MYO1H: variants seen among roughly 807,000 people sequenced by gnomAD.
The protein encoded by MYO1H is myosin IH.
In MYO1H, 118 loss-of-function variants were observed where a neutral mutation model predicts 149.3. The observed-to-expected ratio is 0.79, with a 90% CI of 0.68 to 0.92. The LOEUF (loss-of-function observed/expected upper bound fraction) is 0.92. Ranked by LOEUF, MYO1H falls within the 40% of genes least tolerant of loss-of-function variation. The pLI is 0.00. For missense variants in MYO1H, 1,212 were observed against 1,280.7 expected (o/e 0.95, Z 0.82); for synonymous variants, 447 against 465.2 (o/e 0.96, Z 0.50).
At chr12:109,399,397 G>T (rs1235375431) in intron 5 of MYO1H, among the ~76,000 whole-genome samples, 1 of 151,792 alleles carries the variant, frequency 6.6e-6, no homozygotes, top group African/African-American at 2.4e-5. Context: ...TTCGAGACCA[G>T]CCTGGCCAAC....
chr12:109,342,126 C>CTT, the MYO1H span, among the ~76,000 whole-genome samples: 40,780 of 125,724 alleles, frequency 0.32, 7,729 homozygotes, highest in Middle Eastern at 0.44. Context: ...AAATTTGATT[C>CTT]TTTTTTTTTT....
At chr12:109,320,455 C>CAAAA in the MYO1H span, among the ~76,000 whole-genome samples, 74 of 63,314 alleles carry the variant, frequency 1.2e-3, 1 homozygote, top group Admixed American at 1.6e-3. Context: ...ATTAAAAATA[C>CAAAA]AAAAAAAAAA....
chr12:109,314,497 T>C, the MYO1H span, among the ~76,000 whole-genome samples: 1 of 152,212 alleles, frequency 6.6e-6, no homozygotes, highest in Non-Finnish European at 1.5e-5. Context: ...GCTAGCAGGC[T>C]CTTTCAATAG....
rs557392190 is a variant in MYO1H, at chr12:109,443,208, G to A, written c.2689-306G>A. On this transcript the variant is annotated intron_variant, in intron 27 of 31. Coordinates refer to ENST00000310903, the Ensembl canonical transcript of MYO1H. ...TATGTGTACGTATATGTGTGTATAT[G>A]TGTACGTATATGTGTGTGTATATGT... Among the ~76,000 whole-genome samples, 3 of 133,008 alleles carry A rather than the reference G, an allele frequency of 2.3e-5. 1 individual carries two copies. Among genetic ancestry groups the A allele is most frequent in the East Asian group, 4.3e-4 (2 of 4,632 alleles). 87.3% of individuals were successfully genotyped at this position (133,008 alleles called of 152,430 possible).
intron 1 of MYO1H, among the ~76,000 whole-genome samples, chr12:109,387,255 C>T (rs1869381564): frequency 6.6e-6 from 1 of 152,052 alleles, no homozygotes; most frequent in Non-Finnish European, 1.5e-5. Flanking sequence ...TTATAAATAT[C>T]TAGTTGTTCC....
intron 14 of MYO1H, 44 bp from the exon 15 acceptor site, chr12:109,415,482 G>A: frequency 6.6e-7 from 1 of 1,521,360 alleles, no homozygotes; most frequent in African/African-American, 1.4e-5. Context: ...TCTCAAAAAA[G>A]AAAAGAAAAG....
intron 5 of MYO1H, 61 bp from the exon 6 acceptor site, chr12:109,401,032 G>A: frequency 6.8e-7 from 1 of 1,476,438 alleles, no homozygotes; most frequent in African/African-American, 1.4e-5. Flanking sequence ...GCCATCAGGA[G>A]ATGCCAGGAA....
intron 15 of MYO1H, among the ~76,000 whole-genome samples, chr12:109,416,621 G>A (rs549904540): frequency 2.6e-5 from 4 of 152,100 alleles, no homozygotes; most frequent in Admixed American, 2.6e-4. Context: ...TGAATATGTC[G>A]GTATGAGTTT....
intron 16 of MYO1H, among the ~76,000 whole-genome samples, chr12:109,423,096 GA>G (rs199905736): frequency 8.0e-5 from 12 of 149,738 alleles, no homozygotes; most frequent in Admixed American, 2.7e-4. Flanking sequence ...GAAAAAAACA[GA>G]AAAAAAAATT....
At chr12:109,379,417 T>C (rs950113113) in intron 1 of MYO1H, among the ~76,000 whole-genome samples, 5 of 152,228 alleles carry the variant, frequency 3.3e-5, no homozygotes, top group Non-Finnish European at 7.3e-5. Context: ...TGGTGTTTGA[T>C]TTTCTGTGTG....
the MYO1H span, among the ~76,000 whole-genome samples, chr12:109,318,983 T>TTTTTTGTTTTTTTTG: frequency 3.4e-3 from 495 of 144,868 alleles, 12 homozygotes; most frequent in African/African-American, 0.012. Flanking sequence ...TTTTTTTTTT[T>TTTTTTGTTTTTTTTG]TTTTTTTTTT....
intron 20 of MYO1H, among the ~76,000 whole-genome samples, chr12:109,434,574 A>C (rs1251419605): frequency 1.3e-5 from 2 of 152,194 alleles, no homozygotes; most frequent in African/African-American, 4.8e-5. Flanking sequence ...ACTTGAAGCA[A>C]CTTCAGGTTA....
chr12:109,316,261 C>T, the MYO1H span, among the ~76,000 whole-genome samples: 425 of 152,244 alleles, frequency 2.8e-3, 2 homozygotes, highest in African/African-American at 9.4e-3. Flanking sequence ...CTTTTCACTG[C>T]AAACAGCTTT....
chr12:109,392,655 G>A (rs1869704717), intron 2 of MYO1H, among the ~76,000 whole-genome samples: 1 of 151,774 alleles, frequency 6.6e-6, no homozygotes, highest in Non-Finnish European at 1.5e-5. Flanking sequence ...GGCAGAGGTT[G>A]CAATGAGCCG....
chr12:109,438,606 G>A (rs1427162045), exon 23 of MYO1H: 9 of 1,612,014 alleles, frequency 5.6e-6, no homozygotes, highest in Non-Finnish European at 7.6e-6. Flanking sequence ...AGTGGGCCGT[G>A]CGGATTATCA....
chr12:109,344,308 C>T (rs906861595), upstream of MYO1H, among the ~76,000 whole-genome samples: 1 of 151,894 alleles, frequency 6.6e-6, no homozygotes, highest in Non-Finnish European at 1.5e-5. Context: ...TTGCAGGATA[C>T]AAGATCAATA....
At chr12:109,446,455 T>G in intron 31 of MYO1H, 1 of 985,430 alleles carries the variant, frequency 1.0e-6, no homozygotes, top group Non-Finnish European at 1.2e-6. Flanking sequence ...TAAATTTAAG[T>G]GGATTTACCT....
At chr12:109,367,722 T>C (rs1200429725) in intron 1 of MYO1H, among the ~76,000 whole-genome samples, 4 of 151,670 alleles carry the variant, frequency 2.6e-5, no homozygotes, top group African/African-American at 9.7e-5. Context: ...CGGCTAATTT[T>C]TTTGTATTTT....
chr12:109,311,187 T>A, the MYO1H span, among the ~76,000 whole-genome samples: 15 of 152,204 alleles, frequency 9.9e-5, no homozygotes, highest in Non-Finnish European at 4.4e-5. Flanking sequence ...GTAAAGTTTT[T>A]AAAATAAAAG....
Sources: allele counts gnomAD v4.1 joint callset (sites outside exome capture counted in the v4.1 genomes callset), GRCh38; gene constraint gnomAD v4.1.1; transcripts MANE v1.5; gene names NCBI Gene and HGNC (gene_info 2026-07-23, HGNC 2026-07-21).